CNKSR2: variants seen among roughly 807,000 people sequenced by gnomAD.
CNKSR2 encodes CNK homolog protein 2.
CNKSR2 carries 14 observed loss-of-function variants against 84.4 expected under a neutral mutation model. The ratio of observed to expected loss-of-function variants is 0.17; its 90% CI spans 0.11 to 0.26. The LOEUF (loss-of-function observed/expected upper bound fraction) is 0.26. Among genes scored for constraint, CNKSR2 ranks in the 10% least tolerant of loss-of-function variants. The pLI is 1.00. For missense variants in CNKSR2, 485 were observed against 771.2 expected (o/e 0.63, Z 4.40); for synonymous variants, 275 against 277.9 (o/e 0.99, Z 0.10).
chrX:21,545,663 A>G (rs1446907898), intron 11 of CNKSR2, among the ~76,000 whole-genome samples: 1 of 112,090 alleles, frequency 8.9e-6, no homozygotes, highest in Admixed American at 9.3e-5. Context: ...CACCTCATAC[A>G]GGAGAGCTCC....
intron 15 of CNKSR2, 175 bp from the exon 16 acceptor site, chrX:21,594,799 A>G (rs1267205517): frequency 2.9e-5 from 10 of 344,461 alleles, no homozygotes; most frequent in Non-Finnish European, 5.2e-5. Flanking sequence ...TTCAAAATAT[A>G]TCTTCAATTT....
chrX:21,641,483 T>C, intron 20 of CNKSR2: 1 of 1,158,602 alleles, frequency 8.6e-7, no homozygotes, highest in African/African-American at 1.8e-5. Flanking sequence ...TTGGAAATAA[T>C]GGCACTCGCA....
intron 1 of CNKSR2, 58 bp downstream of exon 1, chrX:21,375,019 G>A (rs1242139784): frequency 2.0e-6 from 2 of 999,137 alleles, no homozygotes; most frequent in Non-Finnish European, 2.8e-6. Flanking sequence ...CCAGTGCGAG[G>A]TTAGGAGGGG....
At chrX:21,638,481 T>A (rs1365694977) in intron 20 of CNKSR2, among the ~76,000 whole-genome samples, 1 of 112,095 alleles carries the variant, frequency 8.9e-6, no homozygotes, top group African/African-American at 3.2e-5. Context: ...CTGGAATAAG[T>A]CATTCTACAC....
intron 21 of CNKSR2, 143 bp downstream of exon 21, chrX:21,649,170 C>G (rs1466862646): frequency 4.5e-6 from 2 of 439,812 alleles, no homozygotes; most frequent in Non-Finnish European, 7.9e-6. Context: ...TGAGCTATTT[C>G]TATGTCATAA....
intron 1 of CNKSR2, among the ~76,000 whole-genome samples, chrX:21,417,969 A>C (rs748421430): frequency 9.0e-6 from 1 of 111,057 alleles, no homozygotes; most frequent in African/African-American, 3.3e-5. Flanking sequence ...TGGTTGTTTT[A>C]TGGTCTCTTC....
chrX:21,486,760 T>C (rs748264816), intron 5 of CNKSR2, among the ~76,000 whole-genome samples: 60 of 111,994 alleles, frequency 5.4e-4, no homozygotes, highest in African/African-American at 1.8e-3. Context: ...ATAGATAATA[T>C]TGTGTTTTAA....
intron 8 of CNKSR2, among the ~76,000 whole-genome samples, chrX:21,507,610 T>A (rs969746568): frequency 4.5e-5 from 5 of 111,805 alleles, no homozygotes; most frequent in African/African-American, 9.7e-5. Context: ...TATATACATA[T>A]ATTGCAGTAT....
At chrX:21,532,166 G>A (rs757431712) in intron 11 of CNKSR2, 99 bp downstream of exon 11, 6 of 531,359 alleles carry the variant, frequency 1.1e-5, no homozygotes, top group African/African-American at 7.2e-5. Flanking sequence ...TTACTTAGGC[G>A]CTTTTGAATC....
intron 13 of CNKSR2, among the ~76,000 whole-genome samples, chrX:21,580,965 C>G (rs1334344475): frequency 9.0e-6 from 1 of 111,654 alleles, no homozygotes; most frequent in African/African-American, 3.3e-5. Flanking sequence ...TTAGAACTTG[C>G]TGCCTCTGTC....
intron 1 of CNKSR2, among the ~76,000 whole-genome samples, chrX:21,394,046 C>G (rs1044012869): frequency 8.9e-6 from 1 of 111,818 alleles, no homozygotes; most frequent in African/African-American, 3.2e-5. Context: ...CACATCCTGT[C>G]CTGTATTTGT....
chrX:21,557,522 T>TA (rs2092150407), intron 11 of CNKSR2, among the ~76,000 whole-genome samples: 1 of 110,804 alleles, frequency 9.0e-6, no homozygotes, highest in Non-Finnish European at 1.9e-5. Context: ...AGACACCAAT[T>TA]AAAAAACTCT....
At chrX:21,487,940 G>A (rs1036031503) in intron 5 of CNKSR2, among the ~76,000 whole-genome samples, 1 of 112,622 alleles carries the variant, frequency 8.9e-6, no homozygotes, top group Non-Finnish European at 1.9e-5. Context: ...AAAACCAAGT[G>A]TAGGCCCATG....
At chrX:21,376,533 C>G (rs1356616119) in intron 1 of CNKSR2, among the ~76,000 whole-genome samples, 2 of 111,606 alleles carry the variant, frequency 1.8e-5, no homozygotes, top group Non-Finnish European at 3.8e-5. Flanking sequence ...CTCATCTTTG[C>G]TGCTGCTTTT....
At position 21,490,592 on chromosome X, in the gene CNKSR2, T is replaced by C. The variant is rs975778157; in HGVS notation, c.681+14T>C. On this transcript the variant is annotated intron_variant, in intron 6 of 21. Coordinates refer to ENST00000379510, the MANE Select transcript of CNKSR2 (RefSeq NM_014927.5). ...AGCGAAGGGCTGGTAAGAGATACCA[T>C]GTTTATCAAAACCACCATCCATCAG... 5.8e-6 allele frequency: 7 copies of C among 1,200,375 alleles called. No individual in the cohort carries two copies. Among genetic ancestry groups the C allele is most frequent in the Admixed American group, 4.4e-5 (2 of 44,986 alleles).
At chrX:21,565,161 T>C (rs1298031078) in intron 13 of CNKSR2, among the ~76,000 whole-genome samples, 3 of 111,101 alleles carry the variant, frequency 2.7e-5, no homozygotes, top group African/African-American at 9.8e-5. Context: ...TGACTCAGAG[T>C]GTACAAATTA....
chrX:21,508,369 T>A (rs1225372884), intron 8 of CNKSR2, among the ~76,000 whole-genome samples: 1 of 111,879 alleles, frequency 8.9e-6, no homozygotes, highest in Non-Finnish European at 1.9e-5. Flanking sequence ...TATTTTAAAA[T>A]ATGTTACTGC....
intron 13 of CNKSR2, among the ~76,000 whole-genome samples, chrX:21,583,317 T>A (rs2092364671): frequency 8.9e-6 from 1 of 111,801 alleles, no homozygotes; most frequent in Admixed American, 9.5e-5. Context: ...CTGTTATTTC[T>A]TATAAATGGA....
At chrX:21,515,963 A>C (rs1049151120) in intron 8 of CNKSR2, among the ~76,000 whole-genome samples, 2 of 111,527 alleles carry the variant, frequency 1.8e-5, no homozygotes, top group African/African-American at 6.5e-5. Flanking sequence ...GCTATTGTCC[A>C]TGCGTAAGAA....
Sources: allele counts gnomAD v4.1 joint callset (sites outside exome capture counted in the v4.1 genomes callset), GRCh38; gene constraint gnomAD v4.1.1; transcripts MANE v1.5; gene names NCBI Gene and HGNC (gene_info 2026-07-23, HGNC 2026-07-21).